PARD3B: variants seen among roughly 807,000 people sequenced by gnomAD.
The protein encoded by PARD3B is partitioning defective 3 homolog B.
Under a neutral mutation model 130.2 loss-of-function variants are expected in PARD3B, and 103 were observed. The ratio of observed to expected loss-of-function variants is 0.79; its 90% CI spans 0.67 to 0.93. PARD3B has a LOEUF of 0.93. Among genes scored for constraint, PARD3B ranks in the 40% least tolerant of loss-of-function variants. The probability of loss-of-function intolerance (pLI) is 0.00; values close to 1 mark genes in which losing one functional copy is unlikely to be tolerated. For synonymous variants in PARD3B, 583 were observed against 553.2 expected (o/e 1.05, Z -0.76); for missense variants, 1,609 against 1,499.2 (o/e 1.07, Z -1.21).
chr2:205,073,403 G>T (rs980370372), intron 4 of PARD3B, among the ~76,000 whole-genome samples: 1 of 152,082 alleles, frequency 6.6e-6, no homozygotes, highest in Non-Finnish European at 1.5e-5. Context: ...TTGCTTTGAA[G>T]TAAGAAACCA....
At chr2:205,033,490 C>T (rs1044059629) in intron 3 of PARD3B, among the ~76,000 whole-genome samples, 7 of 151,928 alleles carry the variant, frequency 4.6e-5, no homozygotes, top group African/African-American at 1.7e-4. Flanking sequence ...GTTTTCTAAC[C>T]GTATTCTGTA....
At chr2:205,139,172 C>T (rs2032737802) in intron 10 of PARD3B, among the ~76,000 whole-genome samples, 1 of 151,374 alleles carries the variant, frequency 6.6e-6, no homozygotes, top group African/African-American at 2.5e-5. Context: ...CAAAATTTAT[C>T]AGTATTTTTT....
intron 2 of PARD3B, among the ~76,000 whole-genome samples, chr2:204,816,834 T>TC (rs2043164896): frequency 6.6e-6 from 1 of 152,184 alleles, no homozygotes; most frequent in South Asian, 2.1e-4. Flanking sequence ...ATTTTTCTCT[T>TC]CCCCCTCTCT....
At chr2:204,947,947 A>T (rs1313345137) in intron 2 of PARD3B, among the ~76,000 whole-genome samples, 1 of 152,168 alleles carries the variant, frequency 6.6e-6, no homozygotes, top group African/African-American at 2.4e-5. Flanking sequence ...GTGCTTCATG[A>T]TGTAATGTGA....
At chr2:204,946,119 A>G (rs185334019) in intron 2 of PARD3B, among the ~76,000 whole-genome samples, 100 of 152,274 alleles carry the variant, frequency 6.6e-4, no homozygotes, top group Middle Eastern at 3.4e-3. Flanking sequence ...TCCTTCGACT[A>G]TTTCATCACA....
At chr2:205,259,182 A>G (rs1265221781) in intron 16 of PARD3B, among the ~76,000 whole-genome samples, 1 of 152,100 alleles carries the variant, frequency 6.6e-6, no homozygotes. Context: ...GACTTCTCCA[A>G]GTATTTACCA....
At position 204,581,000 on chromosome 2, in the gene PARD3B, A is replaced by G. The variant is rs2032523874; in HGVS notation, c.120+34881A>G. Among the ~76,000 whole-genome samples, 7 of 152,256 alleles carry G rather than the reference A, an allele frequency of 4.6e-5. No homozygotes were observed. In the South Asian group the frequency reaches 1.5e-3, roughly 32 times the overall value. ...TCGTTATTCTGCTTTGAAAAGCTTT[A>G]TTTCCTTTGCTAACTACCAGATGGG... On this transcript the variant is annotated intron_variant, in intron 1 of 22. Transcript: ENST00000406610.
chr2:205,149,972 T>G (rs1269628698), intron 10 of PARD3B, among the ~76,000 whole-genome samples: 2 of 152,014 alleles, frequency 1.3e-5, no homozygotes, highest in Non-Finnish European at 2.9e-5. Flanking sequence ...TTATCAGGCT[T>G]CAAATATCAG....
intron 11 of PARD3B, among the ~76,000 whole-genome samples, chr2:205,161,473 G>C (rs1229232279): frequency 6.6e-6 from 1 of 152,074 alleles, no homozygotes; most frequent in African/African-American, 2.4e-5. Flanking sequence ...CAGTGTAAAG[G>C]GTAGAGGCCT....
chr2:204,935,927 C>A (rs1688419054), intron 2 of PARD3B, among the ~76,000 whole-genome samples: 1 of 152,080 alleles, frequency 6.6e-6, no homozygotes, highest in African/African-American at 2.4e-5. Context: ...AGAAAGCCCA[C>A]CTAAAAACAA....
At chr2:204,746,120 A>G (rs1390916667) in intron 2 of PARD3B, among the ~76,000 whole-genome samples, 1 of 123,698 alleles carries the variant, frequency 8.1e-6, no homozygotes, top group Non-Finnish European at 1.7e-5. Context: ...TCCTAATGCT[A>G]TCCCTCCCCC....
chr2:205,220,034 C>A (rs1374312604), intron 15 of PARD3B, among the ~76,000 whole-genome samples: 1 of 152,134 alleles, frequency 6.6e-6, no homozygotes, highest in African/African-American at 2.4e-5. Context: ...AGCCGCAATT[C>A]AGAAGATTAA....
intron 1 of PARD3B, among the ~76,000 whole-genome samples, chr2:204,676,086 G>A (rs1204621552): frequency 6.6e-6 from 1 of 150,746 alleles, no homozygotes; most frequent in Non-Finnish European, 1.5e-5. Flanking sequence ...AAATTTACTA[G>A]TCAAGGCTTG....
At chr2:204,624,880 A>G (rs1021907293) in intron 1 of PARD3B, among the ~76,000 whole-genome samples, 14 of 152,124 alleles carry the variant, frequency 9.2e-5, no homozygotes, top group African/African-American at 2.7e-4. Context: ...GTGTTTCTCT[A>G]TCCTCACCAG....
chr2:205,076,139 G>A (rs1274582071), intron 4 of PARD3B, among the ~76,000 whole-genome samples: 1 of 152,136 alleles, frequency 6.6e-6, no homozygotes, highest in Non-Finnish European at 1.5e-5. Context: ...GTAAAGTTCT[G>A]AAGTGCAGGT....
chr2:204,959,858 T>C (rs1439121958), intron 2 of PARD3B, among the ~76,000 whole-genome samples: 1 of 152,180 alleles, frequency 6.6e-6, no homozygotes, highest in African/African-American at 2.4e-5. Context: ...TATCTACATA[T>C]TGAAAATAAT....
intron 4 of PARD3B, among the ~76,000 whole-genome samples, chr2:205,093,405 C>T (rs1364525861): frequency 4.6e-5 from 7 of 152,182 alleles, no homozygotes; most frequent in Non-Finnish European, 7.4e-5. Flanking sequence ...TCTTCACCTA[C>T]CCCGAGATCA....
At chr2:205,260,692 A>G (rs2040270627) in intron 16 of PARD3B, among the ~76,000 whole-genome samples, 1 of 152,076 alleles carries the variant, frequency 6.6e-6, no homozygotes, top group Non-Finnish European at 1.5e-5. Context: ...TTGATTTAAT[A>G]CCTCTAAGAG....
At chr2:204,553,036 C>T (rs928882981) in intron 1 of PARD3B, among the ~76,000 whole-genome samples, 1 of 152,050 alleles carries the variant, frequency 6.6e-6, no homozygotes, top group Non-Finnish European at 1.5e-5. Context: ...CCAGAATCTA[C>T]AATGAACTCA....
Sources: allele counts gnomAD v4.1 joint callset (sites outside exome capture counted in the v4.1 genomes callset), GRCh38; gene constraint gnomAD v4.1.1; transcripts MANE v1.5; gene names NCBI Gene and HGNC (gene_info 2026-07-23, HGNC 2026-07-21).